The following EPS8L2 variants were observed in gnomAD, a reference collection of about 807,000 sequenced individuals.
The protein encoded by EPS8L2 is EPS8 signaling adaptor L2.
Under a neutral mutation model 99.4 loss-of-function variants are expected in EPS8L2, and 81 were observed. The ratio of observed to expected loss-of-function variants is 0.82; its 90% CI spans 0.68 to 0.98. EPS8L2 has a LOEUF of 0.98. Among genes scored for constraint, EPS8L2 ranks in the 50% least tolerant of loss-of-function variants. EPS8L2 has a pLI of 0.00. For missense variants in EPS8L2, 1,155 were observed against 968.8 expected, an observed-to-expected ratio of 1.19 and a Z score of -2.55; for synonymous variants, 509 against 407.3, an observed-to-expected ratio of 1.25 and a Z score of -3.01.
chr11:726,778 C>T, intron 20 of EPS8L2, 27 bp downstream of exon 20: 3 of 1,581,242 alleles, frequency 1.9e-6, no homozygotes, highest in South Asian at 2.3e-5. Context: ...TCCGGCGCCA[C>T]GCCCCTCCTG....
chr11:726,409 T>A lies in EPS8L2; in HGVS notation c.1859T>A (p.Val620Glu). 1 of 1,605,730 alleles carries A rather than the reference T, an allele frequency of 6.2e-7. No individual in the cohort carries two copies. Among genetic ancestry groups the A allele is most frequent in the Admixed American group, 1.7e-5 (1 of 59,028 alleles). The change falls in exon 19 of 21, where the codon GTG (valine) becomes GAG (glutamate). Residue 620 changes from valine (V) to glutamate (E), a missense_variant. Val to Glu is a moderately radical substitution (Grantham distance 121). Transcript: ENST00000318562. ...RHFRVERSQP[V>E]SQPLTYESGP... is the part of the protein sequence containing the mutation. Reference sequence around the variant, plus strand: ...TTCCGCGTGGAGCGCAGCCAGCCCGTGAGCCAGCCGCTCACCTACGAGTCG... The same window carrying A: ...TTCCGCGTGGAGCGCAGCCAGCCCGAGAGCCAGCCGCTCACCTACGAGTCG...
At chr11:717,933 T>G (rs370505503) in intron 4 of EPS8L2, among the ~76,000 whole-genome samples, 2 of 151,050 alleles carry the variant, frequency 1.3e-5, no homozygotes, top group East Asian at 3.9e-4. Context: ...GGCGTGAACC[T>G]GGGAGGCGGA....
At chr11:725,984 G>A (rs1246814604) in intron 17 of EPS8L2, 114 bp from the exon 18 acceptor site, 4 of 1,339,752 alleles carry the variant, frequency 3.0e-6, no homozygotes, top group Non-Finnish European at 2.0e-6. Flanking sequence ...CAGAAGGAAA[G>A]GGCTGGTCCG....
chr11:720,080 A>G lies in EPS8L2; in HGVS notation c.184A>G (p.Met62Val), dbSNP rs780112279. Residue 62 changes from methionine (M) to valine (V), a missense_variant, in exon 5 of 21, where the codon ATG (methionine) becomes GTG (valine). Physicochemically the swap from Met to Val is conservative, Grantham distance 21. Transcript: ENST00000318562. ...YHVQHLATFI[M>V]DKSEAITSVD... is the part of the protein sequence containing the mutation. Reference sequence around the variant, plus strand: ...CCCCCAGCACCTGGCCACATTCATCATGGACAAGAGCGAAGCCATCACGTC... The same window carrying G: ...CCCCCAGCACCTGGCCACATTCATCGTGGACAAGAGCGAAGCCATCACGTC... The G allele has an allele frequency of 3.1e-6, 5 of 1,612,716 alleles. No individual in the cohort carries two copies. The Admixed American group carries it at 6.7e-5, about 22-fold the overall frequency.
rs192864692 is a variant in EPS8L2 at position 725,649 on chromosome 11, C to T, written c.1561-79C>T. On this transcript the variant is annotated intron_variant, in intron 16 of 20. Transcript: ENST00000318562. ...CGGGAGACCCTAGGGCGCTCCCGAC[C>T]TCTGTAAAGCGGCGCCAGCGGGTGG... The T allele has an allele frequency of 2.0e-4, 255 of 1,258,850 alleles. 2 individuals are homozygous for T. The East Asian group carries it at 8.0e-3, about 40-fold the overall frequency. The allele number at this position is 1,258,850 out of a possible 1,614,324, so 78.0% of individuals were successfully genotyped here.
At chr11:720,797 G>C in intron 6 of EPS8L2, 33 bp from the exon 7 acceptor site, 1 of 1,543,072 alleles carries the variant, frequency 6.5e-7, no homozygotes, top group South Asian at 1.2e-5. Context: ...GCCGCGCCCC[G>C]CCCTCCTGGC....
intron 4 of EPS8L2, among the ~76,000 whole-genome samples, chr11:711,735 G>A (rs919693693): frequency 6.6e-6 from 1 of 152,154 alleles, no homozygotes; most frequent in Non-Finnish European, 1.5e-5. Context: ...TGTAATCCCA[G>A]CACTTTGGGA....
chr11:720,274 G>A (rs774948351), intron 5 of EPS8L2, 51 bp downstream of exon 5: 1 of 1,583,912 alleles, frequency 6.3e-7, no homozygotes, highest in Non-Finnish European at 8.6e-7. Context: ...AGAGGCGGTG[G>A]CAGCCACCGG....
intron 18 of EPS8L2, 21 bp from the exon 19 acceptor site, chr11:726,283 C>T: frequency 1.3e-6 from 2 of 1,592,834 alleles, no homozygotes; most frequent in South Asian, 1.1e-5. Flanking sequence ...AGCGGCGGGC[C>T]TGAGTCGCGC....
chr11:712,555 G>C (rs1420142718), intron 4 of EPS8L2, among the ~76,000 whole-genome samples: 1 of 152,232 alleles, frequency 6.6e-6, no homozygotes, highest in Non-Finnish European at 1.5e-5. Flanking sequence ...AAGGAGGGAG[G>C]GTGAGGGAGC....
Position 720,863 on chromosome 11 carries a change from T to G in EPS8L2, c.511T>G (p.Leu171Val). 1 of 1,484,206 alleles carries G rather than the reference T, an allele frequency of 6.7e-7. No homozygotes were observed. The allele number at this position is 1,484,206 out of a possible 1,614,324, so 91.9% of individuals were successfully genotyped here. A position where few individuals can be genotyped will look rare whatever the true frequency, so the allele number is the denominator to read the frequency against. The change falls in exon 7 of 21, where the codon TTG (leucine) becomes GTG (valine). Residue 171 changes from leucine (L) to valine (V), a missense_variant. By Grantham distance (32) the Leu-to-Val change is conservative. Transcript: ENST00000318562. ...GGTGCACGAGGACATCGAGAGCGCG[T>G]TGGCCGACTGCCGGCTGGGCAAGAA... ...ELVHEDIESALADCRLGKKMR... is the reference protein window; with the variant it reads ...ELVHEDIESAVADCRLGKKMR...
Position 726,101 on chromosome 11 carries a change from G to T in EPS8L2, c.1684G>T (p.Gly562Cys), listed in dbSNP as rs376984228. ...EDAGAPFEQA[G>C]QKYWGPASPT... is the part of the protein sequence containing the mutation. The stretch of plus-strand genomic sequence containing the variant: ...TAATCGCCCCCCGCCCCCGCAGGCC[G>T]GTCAGAAGTACTGGGGCCCCGCCAG... The change falls in exon 18 of 21, where the codon GGT (glycine) becomes TGT (cysteine). Residue 562 changes from glycine to cysteine, a missense_variant. Gly to Cys is a radical substitution (Grantham distance 159, BLOSUM62 -3). Coordinates refer to ENST00000318562, the MANE Select transcript of EPS8L2 (RefSeq NM_022772.4). The T allele has an allele frequency of 3.8e-5, 60 of 1,591,662 alleles. 1 individual carries two copies. In the African/African-American group the frequency reaches 5.2e-4, roughly 14 times the overall value.
In EPS8L2 at chr11:725,766, C is replaced by A; in HGVS notation, c.1599C>A (p.Ser533Arg). 1 of 1,353,426 alleles carries A rather than the reference C, an allele frequency of 7.4e-7. No homozygotes were observed. The highest frequency in any genetic ancestry group is 9.5e-7 in the Non-Finnish European group (1 of 1,055,828). 83.8% of individuals were successfully genotyped at this position (1,353,426 alleles called of 1,614,324 possible). Reference sequence around the variant, plus strand: ...GCCGGCAGTGGTGGAAGCTGCGCAGCCGCAGCGGCCAGGCGGGGTACGTGC... The same window carrying A: ...GCCGGCAGTGGTGGAAGCTGCGCAGACGCAGCGGCCAGGCGGGGTACGTGC... Reference protein sequence around the residue: ...EDGRQWWKLRSRSGQAGYVPC... With the variant: ...EDGRQWWKLRRRSGQAGYVPC... Residue 533 changes from serine to arginine, a missense_variant, in exon 17 of 21, where the codon AGC becomes AGA. By Grantham distance (110) the Ser-to-Arg change is moderately radical (BLOSUM62 -1). Coordinates refer to ENST00000318562, the MANE Select transcript of EPS8L2 (RefSeq NM_022772.4).
At position 710,494 on chromosome 11, in the gene EPS8L2, C is replaced by CCCGCCCCCAGGTAGGCT. The variant is rs763461101; in HGVS notation, c.165+20_165+36dup. 1.2e-6 allele frequency: 2 copies of CCCGCCCCCAGGTAGGCT among 1,613,272 alleles called. No individual in the cohort carries two copies. The highest frequency in any genetic ancestry group is 2.2e-5 in the East Asian group (1 of 44,878). On this transcript the variant is annotated intron_variant, in intron 4 of 20. Coordinates refer to ENST00000318562, the MANE Select transcript of EPS8L2 (RefSeq NM_022772.4). ...TCGCAGTACCACGTCCAGGTAAGGC[C>CCCGCCCCCAGGTAGGCT]CCGCCCCCAGGTAGGCTCCGCCCCC... is the stretch of plus-strand genomic sequence containing the variant.
At chr11:722,069 G>T in intron 11 of EPS8L2, 22 bp from the exon 12 acceptor site, 1 of 1,612,318 alleles carries the variant, frequency 6.2e-7, no homozygotes, top group East Asian at 2.2e-5. Flanking sequence ...CCCGGCACCT[G>T]CTCACTTGTT....
intron 4 of EPS8L2, among the ~76,000 whole-genome samples, chr11:715,502 T>C (rs1861997856): frequency 6.6e-6 from 1 of 152,278 alleles, no homozygotes; most frequent in African/African-American, 2.4e-5. Flanking sequence ...TAACTAACTT[T>C]GGGCTCTGTT....
rs75996321 is a variant in EPS8L2, at chr11:723,197, A to C, written c.1342-44A>C. 851 of 996,750 alleles carry C rather than the reference A, an allele frequency of 8.5e-4. 18 individuals carry two copies. The East Asian group carries it at 0.02, about 24-fold the overall frequency. 61.7% of individuals were successfully genotyped at this position (996,750 alleles called of 1,614,324 possible). A position where few individuals can be genotyped will look rare whatever the true frequency, so the allele number is the denominator to read the frequency against. On this transcript the variant is annotated intron_variant, in intron 14 of 20. Transcript: ENST00000318562. ...CATATGCCCCCTCGTCCTGGGACCC[A>C]GCCCCGCCCCATGTCTAACTCAGGT...
chr11:714,172 T>G (rs1006434521), intron 4 of EPS8L2, among the ~76,000 whole-genome samples: 1 of 152,226 alleles, frequency 6.6e-6, no homozygotes, highest in East Asian at 1.9e-4. Context: ...GTGTTTTCTT[T>G]TATTTTTTGT....
chr11:726,897 C>A lies in EPS8L2; in HGVS notation c.2068-4C>A. ...CTGAGGATGCCCCCATTTCTCCTCC[C>A]TAGAAGCAGCAAAGTGGGTCGGAGC... is the stretch of plus-strand genomic sequence containing the variant. On this transcript the variant is annotated splice_region_variant and splice_polypyrimidine_tract_variant and intron_variant, in intron 20 of 20. Transcript: ENST00000318562. 1 of 1,612,198 alleles carries A rather than the reference C, an allele frequency of 6.2e-7. No homozygotes were observed. Among genetic ancestry groups the A allele is most frequent in the Non-Finnish European group, 8.5e-7 (1 of 1,179,428 alleles).
Sources: allele counts gnomAD v4.1 joint callset (sites outside exome capture counted in the v4.1 genomes callset), GRCh38; gene constraint gnomAD v4.1.1; transcripts MANE v1.5; gene names NCBI Gene and HGNC (gene_info 2026-07-23, HGNC 2026-07-21).